Variants in TOM1L2 observed in about 807,000 individuals in gnomAD.
The protein encoded by TOM1L2 is target of myb1 like 2 membrane trafficking protein, also known as TOM1-like protein 2.
A neutral mutation model predicts 67.9 loss-of-function variants in TOM1L2; 31 were observed. The ratio of observed to expected loss-of-function variants is 0.46; its 90% CI spans 0.34 to 0.62. The LOEUF (loss-of-function observed/expected upper bound fraction) is 0.62, where lower values mean the gene tolerates loss of function less well. Ranked by LOEUF, TOM1L2 falls within the 20% of genes least tolerant of loss-of-function variation. The pLI is 0.01. For missense variants in TOM1L2, 606 were observed against 663.5 expected (o/e 0.91, Z 0.95); for synonymous variants, 256 against 254.0 (o/e 1.01, Z -0.07).
At chr17:17,972,205 C>T (rs1470869726) in intron 1 of TOM1L2, 57 bp downstream of exon 1, 2 of 1,546,482 alleles carry the variant, frequency 1.3e-6, no homozygotes, top group African/African-American at 1.4e-5. Context: ...CCGCGGTCCT[C>T]ACCAGCCGGA....
intron 9 of TOM1L2, 26 bp downstream of exon 9, chr17:17,866,850 T>A (rs551160408): frequency 1.2e-6 from 2 of 1,611,002 alleles, no homozygotes; most frequent in Non-Finnish European, 1.7e-6. Context: ...CCTCAGGAGA[T>A]GACAGGATTC....
At chr17:17,972,028 A>G (rs57728924) in intron 1 of TOM1L2, among the ~76,000 whole-genome samples, 70,773 of 148,266 alleles carry the variant, frequency 0.48, 18,143 homozygotes, top group East Asian at 0.91. Context: ...GGTGGCACCG[A>G]CGCCCAGTGA....
chr17:17,927,941 A>G (rs373612250), intron 1 of TOM1L2, among the ~76,000 whole-genome samples: 112 of 152,326 alleles, frequency 7.4e-4, no homozygotes, highest in African/African-American at 2.5e-3. Flanking sequence ...TTTTAAAAAG[A>G]TTCCTTATCT....
chr17:17,951,820 T>C (rs1032318684), intron 1 of TOM1L2, among the ~76,000 whole-genome samples: 2 of 152,146 alleles, frequency 1.3e-5, no homozygotes, highest in Admixed American at 6.5e-5. Context: ...CATTAGACAA[T>C]GTGGACCAAC....
intron 1 of TOM1L2, among the ~76,000 whole-genome samples, chr17:17,942,381 C>A (rs2040769957): frequency 6.6e-6 from 1 of 152,186 alleles, no homozygotes; most frequent in South Asian, 2.1e-4. Flanking sequence ...AGATCTCAGG[C>A]AAGTTCATTA....
At chr17:17,911,270 G>A (rs1350238816) in intron 1 of TOM1L2, among the ~76,000 whole-genome samples, 4 of 152,132 alleles carry the variant, frequency 2.6e-5, no homozygotes, top group Non-Finnish European at 4.4e-5. Flanking sequence ...TTTAATGGGA[G>A]CCGTATCTGA....
intron 8 of TOM1L2, among the ~76,000 whole-genome samples, chr17:17,868,167 C>G (rs1314231802): frequency 1.3e-5 from 2 of 152,180 alleles, no homozygotes; most frequent in Non-Finnish European, 2.9e-5. Context: ...AAAGGGGCCT[C>G]GGGCTGGGAG....
Position 17,861,462 on chromosome 17 carries a change from G to A in TOM1L2, c.1278+14C>T, listed in dbSNP as rs780870495. On this transcript the variant is annotated intron_variant, in intron 12 of 14. Coordinates refer to ENST00000379504, the MANE Select transcript of TOM1L2 (RefSeq NM_001082968.2). ...CAGAAGACTCCAGGCAGAAAAACAGGGTTAAAGACCTACCCCTTCTGAACT... is the reference window on the plus strand; with the variant it reads ...CAGAAGACTCCAGGCAGAAAAACAGAGTTAAAGACCTACCCCTTCTGAACT... 1.9e-6 allele frequency: 3 copies of A among 1,612,766 alleles called. No individual in the cohort carries two copies. The highest frequency in any genetic ancestry group is 3.3e-5 in the Admixed American group (2 of 59,998).
intron 13 of TOM1L2, 48 bp from the exon 14 acceptor site, chr17:17,848,907 TGCCCGCCCA>T (rs1359328554): frequency 6.2e-7 from 1 of 1,609,770 alleles, no homozygotes; most frequent in South Asian, 1.1e-5. Context: ...GTCCAAGCAC[TGCCCGCCCA>T]GCCACCTCTG....
intron 4 of TOM1L2, among the ~76,000 whole-genome samples, chr17:17,891,364 G>C (rs2038261610): frequency 6.6e-6 from 1 of 152,240 alleles, no homozygotes; most frequent in Non-Finnish European, 1.5e-5. Flanking sequence ...CAGCAGGACT[G>C]GGTAAAAGCT....
intron 12 of TOM1L2, among the ~76,000 whole-genome samples, chr17:17,854,616 C>A (rs937206621): frequency 2.0e-5 from 3 of 152,088 alleles, no homozygotes; most frequent in African/African-American, 4.8e-5. Context: ...CCTCTGCTTC[C>A]CAGGTTCAGA....
intron 2 of TOM1L2, among the ~76,000 whole-genome samples, chr17:17,902,550 T>TAA (rs1194821235): frequency 6.6e-6 from 1 of 152,232 alleles, no homozygotes; most frequent in Non-Finnish European, 1.5e-5. Flanking sequence ...AAACAGGCTG[T>TAA]CACTACCATA....
intron 1 of TOM1L2, among the ~76,000 whole-genome samples, chr17:17,971,956 C>T (rs974442456): frequency 6.6e-6 from 1 of 151,378 alleles, no homozygotes; most frequent in Non-Finnish European, 1.5e-5. Context: ...CCCAGCCCCC[C>T]CGGGAGGTGG....
chr17:17,949,373 A>C (rs2041088744), intron 1 of TOM1L2, among the ~76,000 whole-genome samples: 2 of 152,226 alleles, frequency 1.3e-5, no homozygotes, highest in Admixed American at 1.3e-4. Flanking sequence ...CATCTCTGAC[A>C]AGAGCCTGTC....
At chr17:17,894,734 C>A (rs1054908126) in intron 3 of TOM1L2, among the ~76,000 whole-genome samples, 13 of 152,174 alleles carry the variant, frequency 8.5e-5, no homozygotes, top group African/African-American at 3.1e-4. Flanking sequence ...AATTCAAGAC[C>A]AGCCTAGCCA....
chr17:17,950,553 G>A (rs1267750308), intron 1 of TOM1L2, among the ~76,000 whole-genome samples: 2 of 151,950 alleles, frequency 1.3e-5, no homozygotes, highest in African/African-American at 2.4e-5. Flanking sequence ...GCACCTGGTC[G>A]CTGTTCCAAT....
At chr17:17,937,770 G>C (rs925792633) in intron 1 of TOM1L2, among the ~76,000 whole-genome samples, 4 of 152,210 alleles carry the variant, frequency 2.6e-5, no homozygotes, top group African/African-American at 9.7e-5. Flanking sequence ...CACCACTCAT[G>C]CAAGAGCATA....
chr17:17,868,892 C>G (rs556932463), intron 8 of TOM1L2: 21 of 167,198 alleles, frequency 1.3e-4, no homozygotes, highest in South Asian at 5.8e-4. Context: ...AAGGGAAAAG[C>G]TTTTTTTCTT....
rs1378472002 is a variant in TOM1L2 at position 17,847,475 on chromosome 17, T to G, written c.*160A>C. 1 of 927,204 alleles carries G rather than the reference T, an allele frequency of 1.1e-6. No homozygotes were observed. The highest frequency in any genetic ancestry group is 1.6e-6 in the Non-Finnish European group (1 of 634,148). 57.4% of individuals were successfully genotyped at this position (927,204 alleles called of 1,614,324 possible). ...AGAGAAAAGAAGTGGCTGAAGCTGG[T>G]CCTGACTAGTGGGAGGCCTGGGAGC... On this transcript the variant is annotated 3_prime_UTR_variant, in exon 15 of 15. Coordinates refer to ENST00000379504, the MANE Select transcript of TOM1L2 (RefSeq NM_001082968.2).
Sources: allele counts gnomAD v4.1 joint callset (sites outside exome capture counted in the v4.1 genomes callset), GRCh38; gene constraint gnomAD v4.1.1; transcripts MANE v1.5; gene names NCBI Gene and HGNC (gene_info 2026-07-23, HGNC 2026-07-21).